TMEM245: variants seen among roughly 807,000 people sequenced by gnomAD.
TMEM245 encodes transmembrane protein 245, also known as protein CG-2.
Under a neutral mutation model 101.2 loss-of-function variants are expected in TMEM245, and 69 were observed. The observed-to-expected ratio is 0.68, with a 90% CI of 0.56 to 0.83. TMEM245 has a LOEUF of 0.83. TMEM245 is among the 40% of genes least tolerant of loss of function. The probability of loss-of-function intolerance (pLI) is 0.00; values close to 1 mark genes in which losing one functional copy is unlikely to be tolerated. For synonymous variants in TMEM245, 537 were observed against 449.8 expected, an observed-to-expected ratio of 1.19 and a Z score of -2.45; for missense variants, 1,075 against 1,092.8, an observed-to-expected ratio of 0.98 and a Z score of 0.23.
chr9:109,027,154 T>A (rs909298782), intron 17 of TMEM245, among the ~76,000 whole-genome samples: 3 of 152,032 alleles, frequency 2.0e-5, no homozygotes, highest in Non-Finnish European at 2.9e-5. Flanking sequence ...AAATCCCCCA[T>A]AAGGTTTAGG....
At chr9:109,073,875 T>TA (rs1313299788) in intron 8 of TMEM245, among the ~76,000 whole-genome samples, 1 of 149,668 alleles carries the variant, frequency 6.7e-6, no homozygotes, top group Admixed American at 6.7e-5. Context: ...TTTTTTTTTT[T>TA]AGCCAGGTTC....
chr9:109,054,753 G>T (rs907146798), intron 12 of TMEM245, among the ~76,000 whole-genome samples: 1 of 152,166 alleles, frequency 6.6e-6, no homozygotes, highest in Non-Finnish European at 1.5e-5. Context: ...TGGAGCCAAG[G>T]AAAGATGAAC....
chr9:109,072,613 G>A (rs546574263), intron 9 of TMEM245, among the ~76,000 whole-genome samples: 2 of 152,328 alleles, frequency 1.3e-5, no homozygotes, highest in South Asian at 2.1e-4. Flanking sequence ...TACGGGTGGT[G>A]TTGAGGCTGG....
rs200726668 is a variant in TMEM245 at position 109,033,419 on chromosome 9, T to C, written c.2482A>G (p.Ile828Val). The C allele has an allele frequency of 3.1e-4, 501 of 1,614,096 alleles. 1 individual carries two copies. The highest frequency in any genetic ancestry group is 3.6e-4 in the Non-Finnish European group (429 of 1,179,988). ...GCAACCACAAGTATGCAGAGAAGAA[T>C]AGGACCGATGATTGCTCCTTCCAGG... Reference protein sequence around the residue: ...LGLEGAIIGPILLCILVVASN... With the variant: ...LGLEGAIIGPVLLCILVVASN... Residue 828 changes from isoleucine to valine, a missense_variant, in exon 17 of 18, where the codon ATT becomes GTT. Physicochemically the swap from Ile to Val is conservative, Grantham distance 29. Transcript: ENST00000374586.
At chr9:109,046,306 C>T (rs1828490441) in intron 14 of TMEM245, 1 of 533,838 alleles carries the variant, frequency 1.9e-6, no homozygotes, top group South Asian at 1.4e-5. Flanking sequence ...TCCACCAGAG[C>T]AAGCAGAATG....
chr9:109,016,696 CG>C lies in TMEM245; in HGVS notation c.*3763del, dbSNP rs1332109176. On this transcript the variant is annotated 3_prime_UTR_variant, in exon 18 of 18. Coordinates refer to ENST00000374586, the MANE Select transcript of TMEM245 (RefSeq NM_032012.4). Reference sequence around the variant, plus strand: ...TTTTTTTTTGCAGGTTCCCAATAATCGGTAAGTTAATAAAATGAATATATTT... The same window carrying C: ...TTTTTTTTTGCAGGTTCCCAATAATCGTAAGTTAATAAAATGAATATATTT... 2 of 137,710 alleles carry C rather than the reference CG, an allele frequency of 1.5e-5. No homozygotes were observed. The highest frequency in any genetic ancestry group is 4.3e-4 in the East Asian group (2 of 4,658). 8.5% of individuals were successfully genotyped at this position (137,710 alleles called of 1,614,324 possible). A position where few individuals can be genotyped will look rare whatever the true frequency, so the allele number is the denominator to read the frequency against.
At position 109,119,717 on chromosome 9, in the gene TMEM245, C is replaced by A; in HGVS notation, c.197G>T (p.Cys66Phe). 1 of 1,548,000 alleles carries A rather than the reference C, an allele frequency of 6.5e-7. No homozygotes were observed. Among genetic ancestry groups the A allele is most frequent in the East Asian group, 2.5e-5 (1 of 40,096 alleles). ...GTAGACCAGCACCGCGGCGCCGCAGCACAGGCACACGAACAGCACGGCCCC... is the reference window on the plus strand; with the variant it reads ...GTAGACCAGCACCGCGGCGCCGCAGAACAGGCACACGAACAGCACGGCCCC... ...NTGAVLFVCL[C>F]CGAAVLVYFI... Residue 66 changes from cysteine to phenylalanine, a missense_variant, in exon 1 of 18, where the codon TGC becomes TTC. By Grantham distance (205) the Cys-to-Phe change is radical. Around this residue, in one of 2 missense-constraint regions of TMEM245, gnomAD observed 808 missense variants for 741.5 expected, o/e 1.09. Transcript: ENST00000374586.
chr9:109,084,430 C>T (rs566035500), intron 7 of TMEM245, among the ~76,000 whole-genome samples: 4 of 152,242 alleles, frequency 2.6e-5, no homozygotes, highest in East Asian at 1.9e-4. Context: ...AAAATTAACT[C>T]GATGATTCAG....
intron 9 of TMEM245, among the ~76,000 whole-genome samples, chr9:109,065,631 T>C (rs550843586): frequency 4.4e-4 from 67 of 152,316 alleles, no homozygotes; most frequent in African/African-American, 1.5e-3. Flanking sequence ...GGCTGTACCA[T>C]ACACCTTAAT....
chr9:109,064,928 C>T (rs146378827), intron 9 of TMEM245, among the ~76,000 whole-genome samples: 1,747 of 152,150 alleles, frequency 0.011, 14 homozygotes, highest in South Asian at 0.031. Flanking sequence ...TAGCTGAGAT[C>T]ATAGGCACGT....
chr9:109,068,841 G>C (rs1296978321), intron 9 of TMEM245, among the ~76,000 whole-genome samples: 1 of 152,176 alleles, frequency 6.6e-6, no homozygotes, highest in Non-Finnish European at 1.5e-5. Flanking sequence ...GAACTGATCA[G>C]TGGTTGCTAA....
chr9:109,085,465 C>T (rs1030244289), intron 7 of TMEM245, among the ~76,000 whole-genome samples: 2 of 152,188 alleles, frequency 1.3e-5, no homozygotes, highest in African/African-American at 4.8e-5. Context: ...TTCGATGTCA[C>T]AGGTCATGAC....
At chr9:109,074,989 A>G (rs1829454320) in intron 8 of TMEM245, among the ~76,000 whole-genome samples, 1 of 152,224 alleles carries the variant, frequency 6.6e-6, no homozygotes, top group Non-Finnish European at 1.5e-5. Flanking sequence ...TTTGTGGGAT[A>G]TGGAAAAAGA....
At chr9:109,058,145 C>A (rs1444467408) in intron 11 of TMEM245, among the ~76,000 whole-genome samples, 2 of 151,240 alleles carry the variant, frequency 1.3e-5, no homozygotes, top group Non-Finnish European at 2.9e-5. Flanking sequence ...TGACTACGGG[C>A]GCCTGCCACA....
rs535425690 is a variant in TMEM245, at chr9:109,115,750, G to A, written c.579+3585C>T. Among the ~76,000 whole-genome samples the A allele has an allele frequency of 5.9e-5, 9 of 151,892 alleles. No individual in the cohort carries two copies. In the East Asian group the frequency reaches 7.8e-4, roughly 13 times the overall value. On this transcript the variant is annotated intron_variant, in intron 1 of 17. Coordinates refer to ENST00000374586, the MANE Select transcript of TMEM245 (RefSeq NM_032012.4). The stretch of plus-strand genomic sequence containing the variant: ...TCACCATGTTGGCCAGGCTGGTCTC[G>A]AACTCCTGACCTCAGGTGATCTGCC...
At chr9:109,064,632 T>A (rs1829110257) in intron 9 of TMEM245, 65 bp from the exon 10 acceptor site, 2 of 1,350,322 alleles carry the variant, frequency 1.5e-6, no homozygotes, top group Non-Finnish European at 2.1e-6. Flanking sequence ...AATAATGCTT[T>A]GAACTTGATA....
intron 15 of TMEM245, among the ~76,000 whole-genome samples, chr9:109,037,487 C>A (rs1020113327): frequency 6.6e-6 from 1 of 152,192 alleles, no homozygotes; most frequent in Non-Finnish European, 1.5e-5. Flanking sequence ...GTGACTGGAT[C>A]ATGGCGGGTG....
chr9:109,098,836 G>A (rs915239036), intron 3 of TMEM245, among the ~76,000 whole-genome samples: 7 of 152,174 alleles, frequency 4.6e-5, no homozygotes, highest in African/African-American at 9.7e-5. Flanking sequence ...ATCCAAACAA[G>A]CATGCTACTG....
intron 10 of TMEM245, among the ~76,000 whole-genome samples, chr9:109,061,950 C>T (rs1218106909): frequency 6.6e-6 from 1 of 152,012 alleles, no homozygotes; most frequent in Non-Finnish European, 1.5e-5. Flanking sequence ...TATGGATGTT[C>T]ATTGCAGGGT....
Sources: allele counts gnomAD v4.1 joint callset (sites outside exome capture counted in the v4.1 genomes callset), GRCh38; gene constraint gnomAD v4.1.1; regional missense constraint gnomAD v4.1.1; transcripts MANE v1.5; gene names NCBI Gene and HGNC (gene_info 2026-07-23, HGNC 2026-07-21).